The following BMPR1A variants were observed in gnomAD, a reference collection of about 807,000 sequenced individuals.
The protein encoded by BMPR1A is bone morphogenetic protein receptor type 1A, also known as bone morphogenetic protein receptor type-1A.
In BMPR1A, 7 loss-of-function variants were observed where a neutral mutation model predicts 66.0. That is an observed-to-expected ratio of 0.11 (90% CI 0.06 to 0.20). The LOEUF (loss-of-function observed/expected upper bound fraction) is 0.20. Ranked by LOEUF, BMPR1A falls within the 10% of genes least tolerant of loss-of-function variation. The probability of loss-of-function intolerance (pLI) is 1.00; values close to 1 mark genes in which losing one functional copy is unlikely to be tolerated. For synonymous variants in BMPR1A, 200 were observed against 229.7 expected (o/e 0.87, Z 1.17); for missense variants, 408 against 669.1 (o/e 0.61, Z 4.31).
intron 2 of BMPR1A, among the ~76,000 whole-genome samples, chr10:86,856,893 G>C (rs1842649051): frequency 6.6e-6 from 1 of 152,216 alleles, no homozygotes; most frequent in South Asian, 2.1e-4. Flanking sequence ...ACTTGGGAAA[G>C]TGGTATACTT....
At chr10:86,803,004 C>CAAAAAAAAAAAAAAAAAAAAA (rs59957238) in intron 1 of BMPR1A, among the ~76,000 whole-genome samples, 1 of 75,950 alleles carries the variant, frequency 1.3e-5, no homozygotes. Flanking sequence ...GACCCGGTCT[C>CAAAAAAAAAAAAAAAAAAAAA]AAAAAAAAAA....
At chr10:86,832,610 A>G (rs1049023883) in intron 1 of BMPR1A, among the ~76,000 whole-genome samples, 2 of 152,062 alleles carry the variant, frequency 1.3e-5, no homozygotes, top group African/African-American at 4.8e-5. Context: ...CTAGGCAACC[A>G]CTGCTTATTT....
chr10:86,780,539 A>T (rs529819971), intron 1 of BMPR1A, among the ~76,000 whole-genome samples: 1 of 152,028 alleles, frequency 6.6e-6, no homozygotes, highest in African/African-American at 2.4e-5. Flanking sequence ...GGTTCAAGCA[A>T]TTCTCCTGCC....
chr10:86,854,273 C>T (rs1430732441), intron 2 of BMPR1A, among the ~76,000 whole-genome samples: 6 of 152,098 alleles, frequency 3.9e-5, no homozygotes, highest in African/African-American at 1.4e-4. Context: ...TTTCAAGGTG[C>T]CCAGATTTCA....
intron 7 of BMPR1A, among the ~76,000 whole-genome samples, chr10:86,911,453 C>G (rs1201598510): frequency 2.6e-5 from 4 of 152,012 alleles, no homozygotes; most frequent in Non-Finnish European, 5.9e-5. Flanking sequence ...GTGCAATAAA[C>G]ACAAATAGAT....
chr10:86,919,615 C>T, intron 10 of BMPR1A, 146 bp downstream of exon 10: 1 of 1,118,278 alleles, frequency 8.9e-7, no homozygotes, highest in Non-Finnish European at 1.3e-6. Flanking sequence ...GGATTTTGTT[C>T]TTTTTACAAA....
intron 3 of BMPR1A, among the ~76,000 whole-genome samples, chr10:86,888,216 C>T (rs1843096963): frequency 6.6e-6 from 1 of 151,168 alleles, no homozygotes; most frequent in Admixed American, 6.6e-5. Context: ...GTAATCCCAG[C>T]ACTTTGGGAG....
intron 5 of BMPR1A, among the ~76,000 whole-genome samples, chr10:86,898,700 CTT>C (rs1424216299): frequency 6.6e-6 from 1 of 152,160 alleles, no homozygotes; most frequent in Non-Finnish European, 1.5e-5. Context: ...GCACTTTTCT[CTT>C]CTGCAAGGCC....
rs1432156683 is a variant in BMPR1A, at chr10:86,925,978, C to T, written c.*2259C>T. 4.7e-5 allele frequency: 8 copies of T among 170,062 alleles called. No homozygotes were observed. The highest frequency in any genetic ancestry group is 2.2e-4 in the East Asian group (2 of 9,140). 10.5% of individuals were successfully genotyped at this position (170,062 alleles called of 1,614,324 possible). On this transcript the variant is annotated 3_prime_UTR_variant, in exon 13 of 13. Coordinates refer to ENST00000372037, the MANE Select transcript of BMPR1A (RefSeq NM_004329.3). ...TCCTGACCTCATGATCCACCTGCCT[C>T]GGCCTCCCAAAGTTCATTTGTCATC... is the stretch of plus-strand genomic sequence containing the variant.
chr10:86,845,305 T>C (rs1222191817), intron 2 of BMPR1A, among the ~76,000 whole-genome samples: 1 of 152,242 alleles, frequency 6.6e-6, no homozygotes, highest in Non-Finnish European at 1.5e-5. Context: ...GCTTCAGCCC[T>C]GTGGGTGTCT....
chr10:86,882,825 G>C (rs1030077039), intron 3 of BMPR1A, among the ~76,000 whole-genome samples: 1 of 151,886 alleles, frequency 6.6e-6, no homozygotes, highest in Non-Finnish European at 1.5e-5. Flanking sequence ...AATTAGCCAG[G>C]TGTGGTGGCA....
chr10:86,906,971 T>A (rs1046004994), intron 7 of BMPR1A, among the ~76,000 whole-genome samples: 1 of 152,158 alleles, frequency 6.6e-6, no homozygotes, highest in African/African-American at 2.4e-5. Context: ...GAGCTGTGTA[T>A]TGTTGAGCTC....
In BMPR1A at chr10:86,907,349, A is replaced by T. The variant is rs565850403; in HGVS notation, c.531-4891A>T. Reference sequence around the variant, plus strand: ...AAAGAAAACAAATGCTGGGGAGGGTATGGAGAAAGGGGAACCCTAGCACAC... The same window carrying T: ...AAAGAAAACAAATGCTGGGGAGGGTTTGGAGAAAGGGGAACCCTAGCACAC... On this transcript the variant is annotated intron_variant, in intron 7 of 12. Transcript: ENST00000372037. Among the ~76,000 whole-genome samples, 219 of 152,348 alleles carry T rather than the reference A, an allele frequency of 1.4e-3. 1 individual carries two copies. The highest frequency in any genetic ancestry group is 5.0e-3 in the African/African-American group (207 of 41,594).
chr10:86,906,210 A>G (rs1466344739), intron 7 of BMPR1A, among the ~76,000 whole-genome samples: 2 of 152,156 alleles, frequency 1.3e-5, no homozygotes, highest in Non-Finnish European at 2.9e-5. Flanking sequence ...GCCTTCTGAC[A>G]TACATTTTAT....
At position 86,923,816 on chromosome 10, in the gene BMPR1A, C is replaced by G. The variant is rs532701420; in HGVS notation, c.*97C>G. On this transcript the variant is annotated 3_prime_UTR_variant, in exon 13 of 13. Transcript: ENST00000372037. ...GTGGAATAAGGATGTTAACTTGGTT[C>G]TCAGACTCTTTCTTCACTACGTGTT... is the stretch of plus-strand genomic sequence containing the variant. The G allele has an allele frequency of 8.2e-5, 124 of 1,507,082 alleles. No homozygotes were observed. The highest frequency in any genetic ancestry group is 1.0e-4 in the Non-Finnish European group (112 of 1,086,834). 93.4% of individuals were successfully genotyped at this position (1,507,082 alleles called of 1,614,324 possible). A position where few individuals can be genotyped will look rare whatever the true frequency, so the allele number is the denominator to read the frequency against.
At chr10:86,779,905 C>T (rs897738833) in intron 1 of BMPR1A, among the ~76,000 whole-genome samples, 3 of 151,978 alleles carry the variant, frequency 2.0e-5, no homozygotes, top group Non-Finnish European at 4.4e-5. Flanking sequence ...CTCTGCCCTT[C>T]TTTGTTTTTG....
rs79566480 is a variant in BMPR1A, at chr10:86,896,824, T to C, written c.334-2970T>C. Among the ~76,000 whole-genome samples, 1,636 of 152,316 alleles carry C rather than the reference T, an allele frequency of 0.011. 76 individuals are homozygous for C. The East Asian group carries it at 0.14, about 13-fold the overall frequency. ...TGTCACCTGAAAAATACGTGAAGGA[T>C]ACGTTGCTTTTAAGAATTGGGTTAC... is the stretch of plus-strand genomic sequence containing the variant. On this transcript the variant is annotated intron_variant, in intron 5 of 12. Transcript: ENST00000372037.
At chr10:86,817,314 TAAGTACGTCATATAAGTGGCATCATTTA>T (rs1842048702) in intron 1 of BMPR1A, among the ~76,000 whole-genome samples, 1 of 152,236 alleles carries the variant, frequency 6.6e-6, no homozygotes, top group Non-Finnish European at 1.5e-5. Flanking sequence ...TCTTGACTAC[TAAGTACGTCATATAAGTGGCATCATTTA>T]GTATTTTTCT....
At chr10:86,853,372 T>C (rs1427983621) in intron 2 of BMPR1A, among the ~76,000 whole-genome samples, 1 of 152,122 alleles carries the variant, frequency 6.6e-6, no homozygotes, top group East Asian at 1.9e-4. Flanking sequence ...TCCCACCATT[T>C]TAGGCTATTT....
Sources: gnomAD v4.1 joint callset for allele counts (sites outside exome capture counted in the v4.1 genomes callset) on GRCh38, gnomAD v4.1.1 for gene constraint, MANE v1.5 for transcripts, NCBI Gene and HGNC (gene_info 2026-07-23, HGNC 2026-07-21) for gene names.